The following NOP9 variants were observed in gnomAD, a reference collection of about 807,000 sequenced individuals.
NOP9 encodes nucleolar protein 9.
Under a neutral mutation model 63.0 loss-of-function variants are expected in NOP9, and 50 were observed. That is an observed-to-expected ratio of 0.79 (90% CI 0.63 to 1.00). The LOEUF (loss-of-function observed/expected upper bound fraction) is 1.00, where lower values mean the gene tolerates loss of function less well. Among genes scored for constraint, NOP9 ranks in the 50% least tolerant of loss-of-function variants. The pLI is 0.00. For missense variants in NOP9, 758 were observed against 803.0 expected, an observed-to-expected ratio of 0.94 and a Z score of 0.68; for synonymous variants, 343 against 332.8, an observed-to-expected ratio of 1.03 and a Z score of -0.33.
At chr14:24,299,811 C>A, upstream of NOP9, 9 of 1,082,508 alleles carry the variant, frequency 8.3e-6, no homozygotes, top group Middle Eastern at 3.1e-4. Context: ...CCGGCTGGGG[C>A]GGCGCGGAAC....
At chr14:24,300,303 A>G (rs2041346673) in intron 1 of NOP9, 102 bp downstream of exon 1, 7 of 1,563,256 alleles carry the variant, frequency 4.5e-6, no homozygotes, top group Non-Finnish European at 6.1e-6. Context: ...TTCATTTCCC[A>G]TGTCCTCTTC....
rs1475303619 is a variant in NOP9 at position 24,308,738 on chromosome 14, A to T, written c.*3643A>T. On this transcript the variant is annotated 3_prime_UTR_variant, in exon 10 of 10. Coordinates refer to ENST00000267425, the MANE Select transcript of NOP9 (RefSeq NM_174913.3). ...CAGTTGCATGGAAGCTGAGACTCTC[A>T]CTGACAGTGAAACCCTCAAATGAAC... 2 of 152,216 alleles carry T rather than the reference A, an allele frequency of 1.3e-5. No homozygotes were observed. Among genetic ancestry groups the T allele is most frequent in the Non-Finnish European group, 2.9e-5 (2 of 68,038 alleles). 9.4% of individuals were successfully genotyped at this position (152,216 alleles called of 1,614,324 possible).
chr14:24,274,295 G>A, the NOP9 span, among the ~76,000 whole-genome samples: 1 of 152,150 alleles, frequency 6.6e-6, no homozygotes, highest in Non-Finnish European at 1.5e-5. Context: ...AACTGGGAAG[G>A]TTGAGTCAAG....
At chr14:24,296,508 C>A, upstream of NOP9, 1 of 1,614,150 alleles carries the variant, frequency 6.2e-7, no homozygotes, top group Non-Finnish European at 8.5e-7. Context: ...GGAGCACCCA[C>A]CTGAGTCCGA....
the NOP9 span, chr14:24,292,996 C>A: frequency 1.8e-6 from 1 of 541,260 alleles, no homozygotes; most frequent in Non-Finnish European, 3.1e-6. Flanking sequence ...AAACAGCAAT[C>A]TTTGGAAGAA....
the NOP9 span, among the ~76,000 whole-genome samples, chr14:24,289,320 T>C: frequency 6.6e-6 from 1 of 152,016 alleles, no homozygotes; most frequent in African/African-American, 2.4e-5. Flanking sequence ...AGAGATGGGG[T>C]CTCCCTATGT....
upstream of NOP9, chr14:24,298,845 C>T (rs2041310214): frequency 2.5e-6 from 3 of 1,197,070 alleles, no homozygotes; most frequent in Non-Finnish European, 2.2e-6. Context: ...TAAATATTCA[C>T]ATCTTGTTGA....
chr14:24,297,728 C>G (rs2139104049), upstream of NOP9, among the ~76,000 whole-genome samples: 1 of 152,346 alleles, frequency 6.6e-6, no homozygotes. Flanking sequence ...TCACTCACTA[C>G]TCTTCCCTTG....
Position 24,300,583 on chromosome 14 carries a change from C to CG in NOP9, c.427dup (p.Val143GlyfsTer47). 1.2e-6 allele frequency: 2 copies of CG among 1,614,142 alleles called. No individual in the cohort carries two copies. The highest frequency in any genetic ancestry group is 1.7e-6 in the Non-Finnish European group (2 of 1,180,030). On this transcript the variant is annotated frameshift_variant, in exon 2 of 10. Transcript: ENST00000267425. LOFTEE classifies it high-confidence loss of function. ...TGCGCACTGTGGCCTGTCACCGATG[C>CG]GGGGTCCATGTATTACAAAGTGCTT...
In NOP9 at chr14:24,303,728, T is replaced by G. The variant is rs1409229471; in HGVS notation, c.1285-4T>G. On this transcript the variant is annotated splice_polypyrimidine_tract_variant and splice_region_variant and intron_variant, in intron 6 of 9. Transcript: ENST00000267425. ...GGTTCATCATATTCTGTCTTCTCCTTTAGGCATTCCACTGTGCAGAGCCCT... is the reference window on the plus strand; with the variant it reads ...GGTTCATCATATTCTGTCTTCTCCTGTAGGCATTCCACTGTGCAGAGCCCT... 4.3e-6 allele frequency: 7 copies of G among 1,613,534 alleles called. No individual in the cohort carries two copies. Among genetic ancestry groups the G allele is most frequent in the African/African-American group, 1.3e-5 (1 of 74,910 alleles).
At chr14:24,296,640 G>T, upstream of NOP9, 1 of 1,613,658 alleles carries the variant, frequency 6.2e-7, no homozygotes, top group Non-Finnish European at 8.5e-7. Context: ...GAGGTGTGAG[G>T]GGCTGGGTAA....
At chr14:24,296,965 A>G, upstream of NOP9, 1 of 1,580,234 alleles carries the variant, frequency 6.3e-7, no homozygotes, top group South Asian at 1.1e-5. Context: ...TGGGCTTGAG[A>G]ACTGAGAAGA....
chr14:24,299,811 C>CG, upstream of NOP9: 1 of 1,082,510 alleles, frequency 9.2e-7, no homozygotes, highest in South Asian at 1.8e-5. Context: ...CCGGCTGGGG[C>CG]GGCGCGGAAC....
chr14:24,301,750 C>A, intron 3 of NOP9, 28 bp downstream of exon 3: 1 of 1,610,178 alleles, frequency 6.2e-7, no homozygotes, highest in East Asian at 2.2e-5. Flanking sequence ...AGGATGGTCT[C>A]GTATCTACTT....
chr14:24,296,933 T>A (rs1460949142), upstream of NOP9: 1 of 1,609,568 alleles, frequency 6.2e-7, no homozygotes, highest in African/African-American at 1.3e-5. Context: ...GTGTGAGTCA[T>A]GACAAAACTC....
chr14:24,290,844 G>A, the NOP9 span: 2 of 1,613,562 alleles, frequency 1.2e-6, no homozygotes, highest in Non-Finnish European at 1.7e-6. Flanking sequence ...GAGACGTAGT[G>A]TCAGACCAGG....
chr14:24,303,651 C>T, intron 6 of NOP9, 81 bp from the exon 7 acceptor site: 2 of 1,492,752 alleles, frequency 1.3e-6, no homozygotes, highest in Non-Finnish European at 1.9e-6. Context: ...GCCTTCTTTC[C>T]TTTCCTGAAG....
rs1333306340 is a variant in NOP9, at chr14:24,306,783, T to G, written c.*1688T>G. 6 of 506,142 alleles carry G rather than the reference T, an allele frequency of 1.2e-5. No homozygotes were observed. In the Admixed American group the frequency reaches 1.6e-4, roughly 14 times the overall value. The allele number at this position is 506,142 out of a possible 1,614,324, so 31.4% of individuals were successfully genotyped here. A position where few individuals can be genotyped will look rare whatever the true frequency, so the allele number is the denominator to read the frequency against. On this transcript the variant is annotated 3_prime_UTR_variant, in exon 10 of 10. Coordinates refer to ENST00000267425, the MANE Select transcript of NOP9 (RefSeq NM_174913.3). ...TGCTCCCCTCCAAGTCACTTCTGGTTTGGAATTGGAAAGCAAGCCAGGTTC... is the reference window on the plus strand; with the variant it reads ...TGCTCCCCTCCAAGTCACTTCTGGTGTGGAATTGGAAAGCAAGCCAGGTTC...
At chr14:24,291,711 G>T in the NOP9 span, 1 of 1,413,512 alleles carries the variant, frequency 7.1e-7, no homozygotes, top group Non-Finnish European at 1.0e-6. Context: ...TGTTCCAGGA[G>T]AAAAAGACCA....
Sources: gnomAD v4.1 joint callset for allele counts (sites outside exome capture counted in the v4.1 genomes callset) on GRCh38, gnomAD v4.1.1 for gene constraint, MANE v1.5 for transcripts, NCBI Gene and HGNC (gene_info 2026-07-23, HGNC 2026-07-21) for gene names.